CHIC2: variants seen among roughly 807,000 people sequenced by gnomAD.
CHIC2 encodes the protein cysteine-rich hydrophobic domain-containing protein 2.
Under a neutral mutation model 25.9 loss-of-function variants are expected in CHIC2, and 14 were observed. The ratio of observed to expected loss-of-function variants is 0.54; its 90% CI spans 0.36 to 0.85. CHIC2 has a LOEUF of 0.85. Among genes scored for constraint, CHIC2 ranks in the 40% least tolerant of loss-of-function variants. CHIC2 has a pLI of 0.01. For missense variants in CHIC2, 146 were observed against 202.0 expected, an observed-to-expected ratio of 0.72 and a Z score of 1.68; for synonymous variants, 70 against 72.0, an observed-to-expected ratio of 0.97 and a Z score of 0.14.
intron 3 of CHIC2, among the ~76,000 whole-genome samples, chr4:54,031,804 G>A (rs920980384): frequency 1.3e-5 from 2 of 151,982 alleles, no homozygotes; most frequent in African/African-American, 2.4e-5. Flanking sequence ...ATTTTTAGTA[G>A]AGACGGGGTT....
At chr4:54,040,193 G>A (rs1023106818) in intron 3 of CHIC2, among the ~76,000 whole-genome samples, 1 of 152,150 alleles carries the variant, frequency 6.6e-6, no homozygotes, top group East Asian at 1.9e-4. Flanking sequence ...AAATTTTACT[G>A]TATATTAAAA....
intron 3 of CHIC2, among the ~76,000 whole-genome samples, chr4:54,042,598 G>A (rs1315168910): frequency 6.6e-6 from 1 of 152,104 alleles, no homozygotes; most frequent in Non-Finnish European, 1.5e-5. Flanking sequence ...TTACATGATG[G>A]CAATTCCCAA....
chr4:54,043,152 T>C (rs1356027912), intron 3 of CHIC2, among the ~76,000 whole-genome samples: 2 of 152,096 alleles, frequency 1.3e-5, no homozygotes, highest in African/African-American at 2.4e-5. Flanking sequence ...CCAGGCGCGG[T>C]GGCTCACGCC....
chr4:54,064,724 G>A (rs1717464887), upstream of CHIC2: 2 of 912,484 alleles, frequency 2.2e-6, no homozygotes, highest in African/African-American at 1.8e-5. This position sits in a 1 kb window ranked among gnomAD's most constrained non-coding sequence, Gnocchi z 4.2. Context: ...CTGGCTGGCG[G>A]GCGGGCGGGC....
chr4:54,072,298 T>C, the CHIC2 span, among the ~76,000 whole-genome samples: 2 of 148,164 alleles, frequency 1.3e-5, no homozygotes, highest in African/African-American at 5.0e-5. Flanking sequence ...CAAGACTCCA[T>C]CTCAAAAAAA....
the CHIC2 span, among the ~76,000 whole-genome samples, chr4:54,072,697 T>C: frequency 6.6e-6 from 1 of 152,390 alleles, no homozygotes; most frequent in Middle Eastern, 3.4e-3. Flanking sequence ...TCAATACGTC[T>C]TCATCTGTTA....
At chr4:54,023,662 A>C (rs1715972993) in intron 3 of CHIC2, among the ~76,000 whole-genome samples, 1 of 152,118 alleles carries the variant, frequency 6.6e-6, no homozygotes, top group Non-Finnish European at 1.5e-5. Context: ...CCACTCACCA[A>C]CAAAGGCAGG....
intron 3 of CHIC2, among the ~76,000 whole-genome samples, chr4:54,017,828 A>C (rs916574832): frequency 4.5e-4 from 69 of 152,010 alleles, no homozygotes; most frequent in African/African-American, 1.6e-3. Context: ...AAAAAACAAA[A>C]ACAAAAACAA....
intron 5 of CHIC2, among the ~76,000 whole-genome samples, chr4:54,011,824 AATATATAT>A (rs148063886): frequency 1.3e-4 from 19 of 150,164 alleles, no homozygotes; most frequent in African/African-American, 4.6e-4. Flanking sequence ...GCCAAGGTGG[AATATATAT>A]ATATATATTT....
chr4:54,088,869 T>C, the CHIC2 span, among the ~76,000 whole-genome samples: 3 of 152,116 alleles, frequency 2.0e-5, no homozygotes, highest in Non-Finnish European at 4.4e-5. Flanking sequence ...ATGGGTTAAA[T>C]GTACAGGATT....
chr4:54,023,608 GATC>G, intron 3 of CHIC2, among the ~76,000 whole-genome samples: 1 of 152,072 alleles, frequency 6.6e-6, no homozygotes, highest in Non-Finnish European at 1.5e-5. Flanking sequence ...TCCCCATCCT[GATC>G]ACACTCAGTT....
the CHIC2 span, among the ~76,000 whole-genome samples, chr4:54,074,025 G>A: frequency 3.9e-5 from 6 of 152,016 alleles, no homozygotes; most frequent in Non-Finnish European, 1.5e-5. Context: ...GGGCATGGTG[G>A]TGCACACCTG....
At chr4:54,079,831 T>G in the CHIC2 span, among the ~76,000 whole-genome samples, 1 of 151,936 alleles carries the variant, frequency 6.6e-6, no homozygotes, top group South Asian at 2.1e-4. Context: ...ATGGCTATTA[T>G]CCAAAAGATA....
the CHIC2 span, among the ~76,000 whole-genome samples, chr4:54,072,443 A>G: frequency 2.0e-5 from 3 of 152,250 alleles, no homozygotes; most frequent in Non-Finnish European, 4.4e-5. Context: ...TAAAACCAGA[A>G]TGAACCCAAA....
the CHIC2 span, chr4:54,087,608 G>A: frequency 4.3e-6 from 3 of 689,862 alleles, no homozygotes; most frequent in Middle Eastern, 2.7e-4. Flanking sequence ...CACCTACTGA[G>A]GTTATTTGTA....
At chr4:54,013,807 A>T (rs1715661347) in intron 5 of CHIC2, 30 bp downstream of exon 5, 1 of 1,601,298 alleles carries the variant, frequency 6.2e-7, no homozygotes, top group East Asian at 2.2e-5. Context: ...CATTTAATAG[A>T]GAAACTCACA....
the CHIC2 span, chr4:54,076,492 A>C: frequency 6.6e-6 from 1 of 152,182 alleles, no homozygotes; most frequent in African/African-American, 2.4e-5. Context: ...TATAATTAGC[A>C]ATTGTTGAGT....
At chr4:54,053,415 A>G (rs1717070378) in intron 1 of CHIC2, among the ~76,000 whole-genome samples, 1 of 152,048 alleles carries the variant, frequency 6.6e-6, no homozygotes, top group Non-Finnish European at 1.5e-5. Context: ...AAATAGCTGG[A>G]TGTGGTGGTG....
the CHIC2 span, among the ~76,000 whole-genome samples, chr4:54,076,285 CA>C: frequency 4.1e-3 from 601 of 146,926 alleles, 2 homozygotes; most frequent in African/African-American, 0.014. Flanking sequence ...AAATCTGTCT[CA>C]AAAAAAAAAT....
Sources: allele counts gnomAD v4.1 joint callset (sites outside exome capture counted in the v4.1 genomes callset), GRCh38; gene constraint gnomAD v4.1.1; non-coding constraint Gnocchi (gnomAD v3.1); transcripts MANE v1.5; gene names NCBI Gene and HGNC (gene_info 2026-07-23, HGNC 2026-07-21).